The following NFIA variants were observed in gnomAD, a reference collection of about 807,000 sequenced individuals.
NFIA encodes nuclear factor I A, also known as nuclear factor 1 A-type.
In NFIA, 8 loss-of-function variants were observed where a neutral mutation model predicts 62.8. The ratio of observed to expected loss-of-function variants is 0.13; its 90% confidence interval spans 0.07 to 0.23. The LOEUF (loss-of-function observed/expected upper bound fraction) is 0.23. Ranked by LOEUF, NFIA falls within the 10% of genes least tolerant of loss-of-function variation. NFIA has a pLI of 1.00. For missense variants in NFIA, 410 were observed against 642.1 expected (o/e 0.64, Z 3.91); for synonymous variants, 235 against 238.1 (o/e 0.99, Z 0.12).
chr1:61,198,747 C>G (rs1652209853), intron 2 of NFIA, among the ~76,000 whole-genome samples: 1 of 152,212 alleles, frequency 6.6e-6, no homozygotes, highest in South Asian at 2.1e-4. Context: ...AACTTTGCTT[C>G]TGCCAACTGT....
At position 61,459,871 on chromosome 1, in the gene NFIA, C is replaced by G. The variant is rs1412350531; in HGVS notation, c.*4551C>G. 6.6e-6 allele frequency: 1 copy of G among 152,092 alleles called. No homozygotes were observed. Among genetic ancestry groups the G allele is most frequent in the East Asian group, 1.9e-4 (1 of 5,194 alleles). The allele number at this position is 152,092 out of a possible 1,614,324, so 9.4% of individuals were successfully genotyped here. On this transcript the variant is annotated 3_prime_UTR_variant, in exon 11 of 11. Transcript: ENST00000403491. ...TAAGAATGTCATTTAATGTACTTTG[C>G]ATCATGTCTCTAGAAATATCTTTGT...
chr1:61,242,458 C>A (rs1345100477), intron 2 of NFIA, among the ~76,000 whole-genome samples: 1 of 152,092 alleles, frequency 6.6e-6, no homozygotes, highest in African/African-American at 2.4e-5. Flanking sequence ...TTTATTTGAA[C>A]CCTCTGCAGT....
At position 61,268,385 on chromosome 1, in the gene NFIA, T is replaced by A. The variant is rs545341804; in HGVS notation, c.560-9135T>A. On this transcript the variant is annotated intron_variant, in intron 2 of 10. Transcript: ENST00000403491. The stretch of plus-strand genomic sequence containing the variant: ...TGGTTTCAAATCTCTTCTACCATGT[T>A]ATCTTCCTGCCCCTCTACTCCCCTG... Among the ~76,000 whole-genome samples, 56 of 152,244 alleles carry A rather than the reference T, an allele frequency of 3.7e-4. No homozygotes were observed. The South Asian group carries it at 4.2e-3, about 11-fold the overall frequency.
chr1:61,186,882 G>A (rs1651223823), intron 2 of NFIA, among the ~76,000 whole-genome samples: 1 of 152,126 alleles, frequency 6.6e-6, no homozygotes, highest in African/African-American at 2.4e-5. Context: ...CATGCCCAAG[G>A]TCATATAACT....
chr1:61,271,669 T>C (rs1657514767), intron 2 of NFIA, among the ~76,000 whole-genome samples: 1 of 152,140 alleles, frequency 6.6e-6, no homozygotes, highest in South Asian at 2.1e-4. Context: ...TGAGGACCAA[T>C]GCGTGCAAAC....
chr1:61,359,392 G>A (rs1020151486), intron 6 of NFIA, 118 bp downstream of exon 6: 1 of 1,414,206 alleles, frequency 7.1e-7, no homozygotes, highest in Non-Finnish European at 9.6e-7. Flanking sequence ...ACTTTTTCAG[G>A]ATGAGCACTT....
intron 6 of NFIA, among the ~76,000 whole-genome samples, chr1:61,374,107 C>A (rs188857548): frequency 6.0e-4 from 92 of 152,204 alleles, no homozygotes; most frequent in Non-Finnish European, 1.2e-3. Context: ...CCATATTGGG[C>A]AGGGCAGATA....
chr1:61,346,845 C>T (rs112198070), intron 4 of NFIA, among the ~76,000 whole-genome samples: 5,750 of 152,168 alleles, frequency 0.038, 371 homozygotes, highest in African/African-American at 0.13. Context: ...GGGAAAGTCT[C>T]GGGAAACTTA....
At chr1:61,268,221 C>G (rs1657293120) in intron 2 of NFIA, among the ~76,000 whole-genome samples, 1 of 152,164 alleles carries the variant, frequency 6.6e-6, no homozygotes, top group African/African-American at 2.4e-5. Context: ...GAATCTTCAA[C>G]CTTCTCATTA....
intron 10 of NFIA, among the ~76,000 whole-genome samples, chr1:61,444,029 T>G (rs748246678): frequency 6.6e-6 from 1 of 152,164 alleles, no homozygotes; most frequent in Non-Finnish European, 1.5e-5. Context: ...CCTCTTAGGT[T>G]TAGGATCTCT....
chr1:61,279,891 T>C (rs1658030672), intron 3 of NFIA, among the ~76,000 whole-genome samples: 1 of 152,230 alleles, frequency 6.6e-6, no homozygotes, highest in Non-Finnish European at 1.5e-5. Flanking sequence ...AGTTCACTTT[T>C]AACCTCAGAT....
chr1:61,341,265 G>A (rs1470204828), intron 4 of NFIA, among the ~76,000 whole-genome samples: 2 of 151,594 alleles, frequency 1.3e-5, no homozygotes, highest in East Asian at 1.9e-4. Context: ...GGGTTTCACC[G>A]TGGTCTCGAT....
chr1:61,327,914 A>G (rs969465092), intron 3 of NFIA, among the ~76,000 whole-genome samples: 1 of 152,032 alleles, frequency 6.6e-6, no homozygotes, highest in African/African-American at 2.4e-5. Context: ...ATCCATGCCA[A>G]TATCTATTAT....
intron 2 of NFIA, among the ~76,000 whole-genome samples, chr1:61,237,172 G>A (rs1023276547): frequency 2.0e-5 from 3 of 152,104 alleles, no homozygotes; most frequent in Non-Finnish European, 4.4e-5. Context: ...TAAAATAGTT[G>A]GTGATATAGT....
chr1:61,206,027 C>T (rs1430730070), intron 2 of NFIA, among the ~76,000 whole-genome samples: 1 of 151,544 alleles, frequency 6.6e-6, no homozygotes, highest in African/African-American at 2.4e-5. Context: ...CTGATCCTCC[C>T]TCCTCAGCCT....
intron 9 of NFIA, among the ~76,000 whole-genome samples, chr1:61,407,894 G>C (rs1003317926): frequency 6.6e-6 from 1 of 152,164 alleles, no homozygotes; most frequent in Non-Finnish European, 1.5e-5. Context: ...GGTGAATGAA[G>C]ATTCTAGGCC....
intron 3 of NFIA, among the ~76,000 whole-genome samples, chr1:61,317,789 A>G (rs1433237176): frequency 6.6e-6 from 1 of 152,140 alleles, no homozygotes; most frequent in Non-Finnish European, 1.5e-5. Flanking sequence ...GATCTAAGAT[A>G]TAAAGATTAT....
intron 10 of NFIA, among the ~76,000 whole-genome samples, chr1:61,442,168 C>A (rs1667615120): frequency 6.6e-6 from 1 of 152,136 alleles, no homozygotes; most frequent in Non-Finnish European, 1.5e-5. Flanking sequence ...GAGTAGGTAA[C>A]TCCAAGGGAG....
At chr1:61,365,398 C>T (rs983720087) in intron 6 of NFIA, among the ~76,000 whole-genome samples, 3 of 152,144 alleles carry the variant, frequency 2.0e-5, no homozygotes, top group African/African-American at 7.2e-5. Flanking sequence ...CAACCGTTCT[C>T]TCTATGTTAA....
Sources: allele counts gnomAD v4.1 joint callset (sites outside exome capture counted in the v4.1 genomes callset), GRCh38; gene constraint gnomAD v4.1.1; transcripts MANE v1.5; gene names NCBI Gene and HGNC (gene_info 2026-07-23, HGNC 2026-07-21).